The following USP7 variants were observed in gnomAD, a reference collection of about 807,000 sequenced individuals.
The protein encoded by USP7 is ubiquitin C-terminal hydrolase 7.
In USP7, 9 loss-of-function variants were observed where a neutral mutation model predicts 162.9. The observed-to-expected ratio is 0.06, with a 90% CI of 0.03 to 0.10. The LOEUF is 0.10. USP7 is among the 10% of genes least tolerant of loss of function. The pLI is 1.00. For synonymous variants in USP7, 562 were observed against 475.9 expected (o/e 1.18, Z -2.35); for missense variants, 715 against 1,373.7 (o/e 0.52, Z 7.58).
At chr16:8,952,626 T>G (rs976269566) in intron 1 of USP7, among the ~76,000 whole-genome samples, 7 of 152,136 alleles carry the variant, frequency 4.6e-5, no homozygotes, top group African/African-American at 1.7e-4. Flanking sequence ...CAGGCCCACC[T>G]CCTCACTAGG....
chr16:8,920,257 T>C (rs1897615200), intron 5 of USP7, 102 bp downstream of exon 5: 1 of 1,008,472 alleles, frequency 9.9e-7, no homozygotes, highest in South Asian at 1.5e-5. Flanking sequence ...GAGAGGAGGC[T>C]TACTGATTAA....
intron 1 of USP7, among the ~76,000 whole-genome samples, chr16:8,937,214 A>T (rs941067499): frequency 3.7e-4 from 55 of 146,916 alleles, no homozygotes; most frequent in African/African-American, 1.4e-3. Context: ...GTCTTTTTTT[A>T]AAAAAAAAAG....
At position 8,892,114 on chromosome 16, in the gene USP7, T is replaced by G; in HGVS notation, c.*1884A>C. On this transcript the variant is annotated 3_prime_UTR_variant, in exon 31 of 31. Transcript: ENST00000344836. ...ACACGTTCTTTGGAAAAAGAGTCAT[T>G]TAATACCTTAAGGGAGAGTAGGAAC... 1 of 152,176 alleles carries G rather than the reference T, an allele frequency of 6.6e-6. No individual in the cohort carries two copies. The highest frequency in any genetic ancestry group is 3.2e-3 in the Middle Eastern group (1 of 316). 9.4% of individuals were successfully genotyped at this position (152,176 alleles called of 1,614,324 possible). A position where few individuals can be genotyped will look rare whatever the true frequency, so the allele number is the denominator to read the frequency against.
At chr16:8,950,018 G>T (rs1899477627) in intron 1 of USP7, among the ~76,000 whole-genome samples, 1 of 152,258 alleles carries the variant, frequency 6.6e-6, no homozygotes, top group African/African-American at 2.4e-5. Context: ...ATAGAAGCCA[G>T]GAGCTGCATG....
chr16:8,951,712 C>A (rs1899561387), intron 1 of USP7, among the ~76,000 whole-genome samples: 1 of 152,212 alleles, frequency 6.6e-6, no homozygotes, highest in Non-Finnish European at 1.5e-5. Context: ...AGACAAGACT[C>A]AGGCCTTTTC....
intron 16 of USP7, 150 bp downstream of exon 16, chr16:8,903,118 C>G: frequency 2.8e-6 from 3 of 1,066,942 alleles, no homozygotes; most frequent in African/African-American, 1.6e-5. Context: ...CTTTCTCAGG[C>G]AGGAAATGTT....
chr16:8,961,838 GCT>G (rs1407716398), intron 1 of USP7, among the ~76,000 whole-genome samples: 3 of 152,234 alleles, frequency 2.0e-5, no homozygotes, highest in South Asian at 4.1e-4. Flanking sequence ...CATAACAGGC[GCT>G]CTTAGTTGCT....
intron 1 of USP7, among the ~76,000 whole-genome samples, chr16:8,954,749 G>C (rs1899714680): frequency 6.6e-6 from 1 of 152,094 alleles, no homozygotes; most frequent in African/African-American, 2.4e-5. Flanking sequence ...GTCTGAGGTG[G>C]GTGGATCAGG....
chr16:8,926,351 C>T (rs368446013), intron 2 of USP7, among the ~76,000 whole-genome samples: 5 of 152,002 alleles, frequency 3.3e-5, no homozygotes, highest in South Asian at 2.1e-4. Context: ...TGGTGGTGCA[C>T]GCCTGTAATC....
intron 1 of USP7, among the ~76,000 whole-genome samples, chr16:8,955,643 T>C (rs1265460951): frequency 1.5e-5 from 2 of 135,056 alleles, no homozygotes; most frequent in East Asian, 4.7e-4. Context: ...GAGGAGGAGG[T>C]TGCAGTGAGC....
rs527419545 is a variant in USP7, at chr16:8,946,748, T to G, written c.80-16351A>C. On this transcript the variant is annotated intron_variant, in intron 1 of 30. Coordinates refer to ENST00000344836, the MANE Select transcript of USP7 (RefSeq NM_003470.3). ...GCGGCCTCCACACAGCCACTCACGC[T>G]CAACCACTCAGCCATCTGCCAGCAC... is the stretch of plus-strand genomic sequence containing the variant. Among the ~76,000 whole-genome samples the G allele has an allele frequency of 2.0e-5, 3 of 152,278 alleles. No individual in the cohort carries two copies. The East Asian group carries it at 5.8e-4, about 29-fold the overall frequency.
At chr16:8,923,108 TTAATC>T in intron 3 of USP7, 102 bp downstream of exon 3, 1 of 535,654 alleles carries the variant, frequency 1.9e-6, no homozygotes, top group Non-Finnish European at 2.9e-6. Context: ...AAACACGTAT[TTAATC>T]TAATTTAAAA....
intron 1 of USP7, among the ~76,000 whole-genome samples, chr16:8,958,887 C>T (rs1240300486): frequency 1.3e-5 from 2 of 152,242 alleles, no homozygotes; most frequent in Non-Finnish European, 2.9e-5. Context: ...TCAAGAACAG[C>T]ATTGCTTAGG....
intron 1 of USP7, among the ~76,000 whole-genome samples, chr16:8,955,260 G>T (rs1317582105): frequency 6.6e-6 from 1 of 152,112 alleles, no homozygotes; most frequent in Non-Finnish European, 1.5e-5. Flanking sequence ...CTACATGATG[G>T]ACAGTATTGG....
intron 1 of USP7, among the ~76,000 whole-genome samples, chr16:8,946,090 T>G (rs896351181): frequency 6.6e-6 from 1 of 152,068 alleles, no homozygotes; most frequent in African/African-American, 2.4e-5. Context: ...ACAAAAGTCA[T>G]GGAACAAATG....
rs186696445 is a variant in USP7 at position 8,928,162 on chromosome 16, T to C, written c.184+2131A>G. 7.2e-5 allele frequency among the ~76,000 whole-genome samples: 11 copies of C among 152,362 alleles called. No homozygotes were observed. The East Asian group carries it at 1.7e-3, about 24-fold the overall frequency. ...CAACTATACATGTCTCCCATCTCTT[T>C]GTCTCATTAGCTATTTAGCATCTTA... is the stretch of plus-strand genomic sequence containing the variant. On this transcript the variant is annotated intron_variant, in intron 2 of 30. Coordinates refer to ENST00000344836, the MANE Select transcript of USP7 (RefSeq NM_003470.3).
intron 18 of USP7, 107 bp from the exon 19 acceptor site, chr16:8,901,341 T>TGAATA: frequency 1.4e-6 from 1 of 732,568 alleles, no homozygotes. Context: ...AACAGTAAGC[T>TGAATA]GAATAGCTCA....
chr16:8,946,851 T>A (rs1899308773), intron 1 of USP7, among the ~76,000 whole-genome samples: 1 of 152,232 alleles, frequency 6.6e-6, no homozygotes, highest in Admixed American at 6.5e-5. Flanking sequence ...AAACTCAACT[T>A]TTTAATATAA....
Position 8,919,143 on chromosome 16 carries a change from A to G in USP7, c.612-4T>C. The G allele has an allele frequency of 6.2e-7, 1 of 1,613,934 alleles. No individual in the cohort carries two copies. Among genetic ancestry groups the G allele is most frequent in the Non-Finnish European group, 8.5e-7 (1 of 1,179,946 alleles). On this transcript the variant is annotated splice_region_variant and splice_polypyrimidine_tract_variant and intron_variant, in intron 5 of 30. Transcript: ENST00000344836. ...TGTGTGCTTCTTTGAATCCCACCTG[A>G]AAGATCAGTTCAAGGTTGAGGGGAT... is the stretch of plus-strand genomic sequence containing the variant.
Sources: gnomAD v4.1 joint callset for allele counts (sites outside exome capture counted in the v4.1 genomes callset) on GRCh38, gnomAD v4.1.1 for gene constraint, MANE v1.5 for transcripts, NCBI Gene and HGNC (gene_info 2026-07-23, HGNC 2026-07-21) for gene names.